Variants in NOX4 observed in about 807,000 individuals in gnomAD.
NOX4 encodes NADPH oxidase 4.
NOX4 carries 69 observed loss-of-function variants against 87.6 expected under a neutral mutation model. The ratio of observed to expected loss-of-function variants is 0.79; its 90% CI spans 0.65 to 0.96. NOX4 has a LOEUF of 0.96. Ranked by LOEUF, NOX4 falls within the 40% of genes least tolerant of loss-of-function variation. The pLI, the probability that NOX4 is intolerant of heterozygous loss-of-function variation, is 0.00. For missense variants in NOX4, 680 were observed against 681.5 expected (o/e 1.00, Z 0.02); for synonymous variants, 275 against 238.2 (o/e 1.15, Z -1.42).
At chr11:89,338,400 T>C (rs1945823371) in intron 15 of NOX4, among the ~76,000 whole-genome samples, 2 of 152,242 alleles carry the variant, frequency 1.3e-5, no homozygotes, top group African/African-American at 4.8e-5. Flanking sequence ...TTGATGAATA[T>C]TTGGGTTGTT....
intron 16 of NOX4, among the ~76,000 whole-genome samples, chr11:89,336,911 C>A (rs1255312334): frequency 6.6e-6 from 1 of 151,950 alleles, no homozygotes; most frequent in Non-Finnish European, 1.5e-5. Context: ...ATTTATACAC[C>A]AGTCCAGCTC....
At chr11:89,523,873 C>G in the NOX4 span, among the ~76,000 whole-genome samples, 7 of 152,114 alleles carry the variant, frequency 4.6e-5, no homozygotes, top group Non-Finnish European at 8.8e-5. Flanking sequence ...AAAGTAGACA[C>G]ACAAACATAT....
the NOX4 span, among the ~76,000 whole-genome samples, chr11:89,534,935 T>C: frequency 6.6e-6 from 1 of 152,224 alleles, no homozygotes; most frequent in Non-Finnish European, 1.5e-5. Flanking sequence ...TGAGGAAGAA[T>C]TCTCTAAAAG....
upstream of NOX4, among the ~76,000 whole-genome samples, chr11:89,493,412 C>T (rs976837632): frequency 6.6e-6 from 1 of 151,040 alleles, no homozygotes; most frequent in Admixed American, 6.6e-5. Context: ...AGATGAGAAA[C>T]GGAAGCTAAA....
intron 8 of NOX4, among the ~76,000 whole-genome samples, chr11:89,404,212 G>A (rs1164440792): frequency 1.3e-5 from 2 of 152,110 alleles, no homozygotes; most frequent in African/African-American, 4.8e-5. Flanking sequence ...ATTTGATTCA[G>A]CTTTCTTTAC....
At chr11:89,428,490 C>T (rs1035722294) in intron 7 of NOX4, among the ~76,000 whole-genome samples, 2 of 151,940 alleles carry the variant, frequency 1.3e-5, no homozygotes, top group Admixed American at 1.3e-4. Flanking sequence ...TGCAGACACA[C>T]ATAGGCTCAA....
the NOX4 span, among the ~76,000 whole-genome samples, chr11:89,540,009 T>C: frequency 2.0e-5 from 3 of 152,156 alleles, no homozygotes; most frequent in African/African-American, 7.2e-5. Context: ...AGTTTCAAGA[T>C]CTCATCGTTT....
the NOX4 span, among the ~76,000 whole-genome samples, chr11:89,566,043 CT>C: frequency 0.44 from 53,540 of 122,354 alleles, 8,918 homozygotes; most frequent in East Asian, 0.56. Flanking sequence ...TTCTTTTTTT[CT>C]TTTTTTTTTT....
At chr11:89,471,730 G>C (rs1474145282) in intron 2 of NOX4, among the ~76,000 whole-genome samples, 1 of 151,348 alleles carries the variant, frequency 6.6e-6, no homozygotes, top group Non-Finnish European at 1.5e-5. Flanking sequence ...GATTGTTTTT[G>C]TTTGTTTGTT....
intron 1 of NOX4, among the ~76,000 whole-genome samples, chr11:89,497,685 T>G (rs1245401526): frequency 6.6e-6 from 1 of 152,208 alleles, no homozygotes; most frequent in Non-Finnish European, 1.5e-5. Context: ...TCTGTCTATA[T>G]CTGACTAAAT....
In NOX4 at chr11:89,432,849, G is replaced by C. The variant is rs1193670220; in HGVS notation, c.483C>G (p.Gly161=). Residue 161 remains glycine (G), a synonymous_variant, in exon 7 of 18, where the codon GGC becomes GGG. Coordinates refer to ENST00000263317, the MANE Select transcript of NOX4 (RefSeq NM_016931.5). ...CCACCACCATGCAGACCCCTGTCAG[G>C]CCAGGAACTATAAAAATGTATACAA... ...PRKLLFTTVP[G]LTGVCMVVVL... is the part of the protein sequence containing the mutation. The C allele has an allele frequency of 6.2e-7, 1 of 1,608,282 alleles. No homozygotes were observed. The highest frequency in any genetic ancestry group is 1.3e-5 in the African/African-American group (1 of 74,670).
the NOX4 span, among the ~76,000 whole-genome samples, chr11:89,560,997 T>TCTCTATAC: frequency 1.1e-4 from 5 of 44,102 alleles, no homozygotes; most frequent in Non-Finnish European, 2.1e-4. Context: ...TCTCTCTCTC[T>TCTCTATAC]ATATATATAT....
At chr11:89,520,459 A>C in the NOX4 span, among the ~76,000 whole-genome samples, 1 of 152,170 alleles carries the variant, frequency 6.6e-6, no homozygotes, top group Admixed American at 6.6e-5. Flanking sequence ...TTCTCTAAAT[A>C]AAATGTAGTA....
chr11:89,531,967 CGTGTG>C, the NOX4 span, among the ~76,000 whole-genome samples: 1 of 152,186 alleles, frequency 6.6e-6, no homozygotes, highest in African/African-American at 2.4e-5. Flanking sequence ...TGGCAGCTTC[CGTGTG>C]GTGTGGGGCC....
intron 2 of NOX4, among the ~76,000 whole-genome samples, chr11:89,464,181 A>G (rs919683513): frequency 6.6e-6 from 1 of 152,164 alleles, no homozygotes; most frequent in Non-Finnish European, 1.5e-5. Flanking sequence ...TATTGTGTTT[A>G]TATTAAATCC....
rs1415524033 is a variant in NOX4 at position 89,425,265 on chromosome 11, A to C, written c.549-3283T>G. Among the ~76,000 whole-genome samples, 4 of 152,106 alleles carry C rather than the reference A, an allele frequency of 2.6e-5. No individual in the cohort carries two copies. The East Asian group carries it at 7.7e-4, about 29-fold the overall frequency. ...TTAGTGAGTTGCCTTTCTGTACACC[A>C]ATTTTTCATTCTTATGAAAAGCTTT... On this transcript the variant is annotated intron_variant, in intron 7 of 17. Transcript: ENST00000263317.
At chr11:89,429,458 G>T (rs187315026) in intron 7 of NOX4, among the ~76,000 whole-genome samples, 1 of 151,978 alleles carries the variant, frequency 6.6e-6, no homozygotes, top group Non-Finnish European at 1.5e-5. Flanking sequence ...TTGATAGACC[G>T]CTAGCAAGAC....
chr11:89,472,544 T>A (rs79938022), intron 2 of NOX4, among the ~76,000 whole-genome samples: 2,677 of 152,336 alleles, frequency 0.018, 92 homozygotes, highest in African/African-American at 0.06. Flanking sequence ...ATCATTTTTT[T>A]ATCTACGCTT....
At chr11:89,499,650 G>A (rs367990207), upstream of NOX4, among the ~76,000 whole-genome samples, 9 of 152,126 alleles carry the variant, frequency 5.9e-5, no homozygotes, top group African/African-American at 2.2e-4. Context: ...CTCACAATTG[G>A]ATCACTCTTA....
Sources: allele counts gnomAD v4.1 joint callset (sites outside exome capture counted in the v4.1 genomes callset), GRCh38; gene constraint gnomAD v4.1.1; transcripts MANE v1.5; gene names NCBI Gene and HGNC (gene_info 2026-07-23, HGNC 2026-07-21).